Variants in ATF3 observed in about 807,000 individuals in gnomAD.
ATF3 encodes the protein cyclic AMP-dependent transcription factor ATF-3.
A neutral mutation model predicts 18.4 loss-of-function variants in ATF3; 10 were observed. The ratio of observed to expected loss-of-function variants is 0.54; its 90% CI spans 0.34 to 0.92. The LOEUF is 0.92. Among genes scored for constraint, ATF3 ranks in the 40% least tolerant of loss-of-function variants. The pLI is 0.02. For missense variants in ATF3, 183 were observed against 222.3 expected (o/e 0.82, Z 1.12); for synonymous variants, 78 against 87.9 (o/e 0.89, Z 0.63).
At position 212,619,058 on chromosome 1, in the gene ATF3, T is replaced by A; in HGVS notation, c.349-300T>A. On this transcript the variant is annotated intron_variant, in intron 3 of 3. Transcript: ENST00000341491. The surrounding 1 kb of genome is among the most constrained non-coding windows in gnomAD (Gnocchi z 4.4). ...GATTTCTCCCCAGCTCCCAAGGCCC[T>A]TTTGGGTCCAGAAGACCTGCATATG... 1 of 1,614,104 alleles carries A rather than the reference T, an allele frequency of 6.2e-7. No individual in the cohort carries two copies.
At chr1:212,589,655 C>T (rs943228759) in intron 1 of ATF3, among the ~76,000 whole-genome samples, 15 of 148,712 alleles carry the variant, frequency 1.0e-4, no homozygotes, top group African/African-American at 3.3e-4. Flanking sequence ...TGCACTCCAG[C>T]TTGCACAACA....
intron 1 of ATF3, among the ~76,000 whole-genome samples, chr1:212,614,590 C>CA (rs34303223): frequency 0.026 from 3,235 of 124,042 alleles, 62 homozygotes; most frequent in African/African-American, 0.062. Context: ...GAGTAATATA[C>CA]AAAAAAAAAA....
chr1:212,581,198 A>G (rs544835042), intron 1 of ATF3, among the ~76,000 whole-genome samples: 124 of 152,354 alleles, frequency 8.1e-4, no homozygotes, highest in Non-Finnish European at 1.6e-3. Flanking sequence ...TCAGTAACAC[A>G]GTGCTGCCTA....
intron 1 of ATF3, among the ~76,000 whole-genome samples, chr1:212,591,328 C>G (rs754612820): frequency 6.6e-6 from 1 of 152,204 alleles, no homozygotes; most frequent in Non-Finnish European, 1.5e-5. Flanking sequence ...TATTCAACAA[C>G]TGCCACCAGG....
At chr1:212,612,380 T>C (rs1654933062) in intron 1 of ATF3, among the ~76,000 whole-genome samples, 1 of 152,112 alleles carries the variant, frequency 6.6e-6, no homozygotes, top group Non-Finnish European at 1.5e-5. Flanking sequence ...GGAACTACAC[T>C]CTACTGCAGT....
chr1:212,581,597 C>T (rs920625563), intron 1 of ATF3, among the ~76,000 whole-genome samples: 7 of 151,890 alleles, frequency 4.6e-5, no homozygotes, highest in African/African-American at 9.7e-5. Context: ...TATACTTTAT[C>T]GTAAAATTAA....
intron 1 of ATF3, among the ~76,000 whole-genome samples, chr1:212,600,161 T>G (rs1654441426): frequency 6.6e-6 from 1 of 152,228 alleles, no homozygotes; most frequent in Non-Finnish European, 1.5e-5. Flanking sequence ...TGACCAGTGT[T>G]GCAGCCTCCT....
intron 1 of ATF3, among the ~76,000 whole-genome samples, chr1:212,574,335 A>G (rs1355861577): frequency 2.0e-5 from 3 of 151,636 alleles, no homozygotes; most frequent in Non-Finnish European, 4.4e-5. Context: ...CTTATATTTA[A>G]TGATTTTTTG....
At chr1:212,601,757 T>C (rs933029816) in intron 1 of ATF3, among the ~76,000 whole-genome samples, 1 of 152,218 alleles carries the variant, frequency 6.6e-6, no homozygotes, top group Non-Finnish European at 1.5e-5. Context: ...AAATTTGTTT[T>C]AAAATCAGTC....
chr1:212,566,304 CTGT>C (rs1426570232), intron 1 of ATF3, among the ~76,000 whole-genome samples: 1 of 151,584 alleles, frequency 6.6e-6, no homozygotes, highest in African/African-American at 2.4e-5. Flanking sequence ...ATCTGTGGTT[CTGT>C]TGTTGGCACA....
intron 1 of ATF3, among the ~76,000 whole-genome samples, chr1:212,570,163 C>T (rs973142545): frequency 3.9e-5 from 6 of 152,174 alleles, no homozygotes; most frequent in African/African-American, 1.4e-4. Context: ...TAATAATTCC[C>T]TGGCTTGACA....
At chr1:212,579,783 TGAGAAAAACAGCA>T (rs760549099) in intron 1 of ATF3, among the ~76,000 whole-genome samples, 9 of 152,288 alleles carry the variant, frequency 5.9e-5, no homozygotes, top group African/African-American at 2.2e-4. Context: ...GCCTGGGCTC[TGAGAAAAACAGCA>T]GATCCCAGCC....
chr1:212,594,340 T>C (rs1664949365), intron 1 of ATF3, among the ~76,000 whole-genome samples: 1 of 152,214 alleles, frequency 6.6e-6, no homozygotes, highest in Non-Finnish European at 1.5e-5. Flanking sequence ...ATTATTTTTC[T>C]TTTAAAATTA....
intron 1 of ATF3, among the ~76,000 whole-genome samples, chr1:212,597,616 G>A (rs898042779): frequency 6.6e-6 from 1 of 152,108 alleles, no homozygotes; most frequent in African/African-American, 2.4e-5. Flanking sequence ...GCTGCCTTCT[G>A]GAGCCCTTCC....
rs1487339403 is a variant in ATF3 at position 212,619,313 on chromosome 1, T to A, written c.349-45T>A. 1.3e-5 allele frequency: 21 copies of A among 1,612,084 alleles called. No individual in the cohort carries two copies. Among genetic ancestry groups the A allele is most frequent in the Non-Finnish European group, 1.7e-5 (20 of 1,179,972 alleles). ...GCAGCCCAGGCCACCCCCTCCTCAC[T>A]GGCCCTTGGCTCCTTTCTTGATGCC... On this transcript the variant is annotated intron_variant, in intron 3 of 3. Coordinates refer to ENST00000341491, the MANE Select transcript of ATF3 (RefSeq NM_001674.4). The surrounding 1 kb of genome is among the most constrained non-coding windows in gnomAD (Gnocchi z 4.4).
intron 1 of ATF3, among the ~76,000 whole-genome samples, chr1:212,614,578 T>A (rs1655024712): frequency 8.0e-6 from 1 of 124,870 alleles, no homozygotes; most frequent in Admixed American, 7.5e-5. Flanking sequence ...AAACTTTATT[T>A]TGAGTAATAT....
intron 2 of ATF3, among the ~76,000 whole-genome samples, chr1:212,617,328 T>C (rs1655171303): frequency 6.6e-6 from 1 of 152,192 alleles, no homozygotes; most frequent in Non-Finnish European, 1.5e-5. Context: ...ATAAACATGG[T>C]GAGAAGTCTG....
intron 1 of ATF3, chr1:212,613,511 A>G (rs1654979039): frequency 6.6e-6 from 1 of 152,226 alleles, no homozygotes; most frequent in Admixed American, 6.5e-5. Flanking sequence ...CTAAACCTCA[A>G]TTATCTCATC....
chr1:212,593,176 A>G (rs1049464116), intron 1 of ATF3, among the ~76,000 whole-genome samples: 3 of 151,972 alleles, frequency 2.0e-5, no homozygotes, highest in Non-Finnish European at 4.4e-5. Context: ...CATTCTCAGC[A>G]AACTATCACA....
Sources: gnomAD v4.1 joint callset for allele counts (sites outside exome capture counted in the v4.1 genomes callset) on GRCh38, gnomAD v4.1.1 for gene constraint, Gnocchi (gnomAD v3.1) non-coding constraint, MANE v1.5 for transcripts, NCBI Gene and HGNC (gene_info 2026-07-23, HGNC 2026-07-21) for gene names.